The following HIRA variants were observed in gnomAD, a reference collection of about 807,000 sequenced individuals.
HIRA encodes protein HIRA.
HIRA carries 13 observed loss-of-function variants against 126.6 expected under a neutral mutation model. The ratio of observed to expected loss-of-function variants is 0.10; its 90% CI spans 0.07 to 0.16. HIRA has a LOEUF of 0.16. HIRA is among the 10% of genes least tolerant of loss of function. The pLI, the probability that HIRA is intolerant of heterozygous loss-of-function variation, is 1.00. For synonymous variants in HIRA, 511 were observed against 520.0 expected (o/e 0.98, Z 0.24); for missense variants, 834 against 1,314.4 (o/e 0.63, Z 5.65).
rs956650853 is a variant in HIRA at position 19,351,645 on chromosome 22, A to T, written c.2849-199T>A. The stretch of plus-strand genomic sequence containing the variant: ...GGGGCACTGAGACCCATAATCACAG[A>T]TTTTCACTCACTTGCTCACTCCCCT... On this transcript the variant is annotated intron_variant, in intron 23 of 24. Transcript: ENST00000263208. The surrounding 1 kb of genome is among the most constrained non-coding windows in gnomAD (Gnocchi z 4.8). Among the ~76,000 whole-genome samples the T allele has an allele frequency of 3.9e-5, 6 of 151,976 alleles. No homozygotes were observed. The highest frequency in any genetic ancestry group is 1.5e-4 in the African/African-American group (6 of 41,368).
chr22:19,346,360 TAA>T (rs2088686786), intron 24 of HIRA, among the ~76,000 whole-genome samples: 2 of 152,110 alleles, frequency 1.3e-5, no homozygotes, highest in Admixed American at 1.3e-4. Flanking sequence ...ATAAATAAAA[TAA>T]AAGAGTGTTG....
Position 19,331,413 on chromosome 22 carries a change from G to T in HIRA, c.*27C>A. The T allele has an allele frequency of 6.2e-7, 1 of 1,613,408 alleles. No individual in the cohort carries two copies. Among genetic ancestry groups the T allele is most frequent in the East Asian group, 2.2e-5 (1 of 44,850 alleles). On this transcript the variant is annotated 3_prime_UTR_variant, in exon 25 of 25. Coordinates refer to ENST00000263208, the MANE Select transcript of HIRA (RefSeq NM_003325.4). ...GCGGCGAGAGTGTGGCCCTGCCCTT[G>T]CTGCAGCCAGGGCAGGCTGGGGCAG...
intron 1 of HIRA, among the ~76,000 whole-genome samples, chr22:19,415,509 C>T (rs911488613): frequency 2.0e-5 from 3 of 152,176 alleles, no homozygotes; most frequent in Admixed American, 6.5e-5. Flanking sequence ...AGATGTTAGG[C>T]TGGGCACAGT....
At chr22:19,344,010 C>A (rs562752867) in intron 24 of HIRA, among the ~76,000 whole-genome samples, 4 of 151,946 alleles carry the variant, frequency 2.6e-5, no homozygotes, top group Non-Finnish European at 5.9e-5. Flanking sequence ...CCACGCCTGG[C>A]TGAAAAAACA....
At chr22:19,337,649 G>A (rs1191892930) in intron 24 of HIRA, among the ~76,000 whole-genome samples, 1 of 152,154 alleles carries the variant, frequency 6.6e-6, no homozygotes, top group East Asian at 1.9e-4. Context: ...CCAAATACAA[G>A]AAGCTCAAAG....
At chr22:19,343,682 T>C (rs1447481423) in intron 24 of HIRA, among the ~76,000 whole-genome samples, 2 of 151,866 alleles carry the variant, frequency 1.3e-5, no homozygotes, top group African/African-American at 4.8e-5. Context: ...TCCCAACACT[T>C]TGGGAGCCTG....
At chr22:19,379,397 C>G (rs563918236) in intron 13 of HIRA, among the ~76,000 whole-genome samples, 2 of 150,548 alleles carry the variant, frequency 1.3e-5, no homozygotes, top group Non-Finnish European at 3.0e-5. Flanking sequence ...CAGGCCGAGG[C>G]GGGTGGATCA....
At chr22:19,376,683 C>G (rs1291502516) in intron 14 of HIRA, among the ~76,000 whole-genome samples, 2 of 152,228 alleles carry the variant, frequency 1.3e-5, no homozygotes, top group Non-Finnish European at 2.9e-5. Flanking sequence ...CAGGGTCCCC[C>G]CAGGGCAGTG....
rs544834838 is a variant in HIRA, at chr22:19,366,317, G to A, written c.1776-4386C>T. Reference sequence around the variant, plus strand: ...GTGGAGCTTGCAGTGAGCCGAGACCGCACCACTGCACTCCAGCCTGGGCGA... The same window carrying A: ...GTGGAGCTTGCAGTGAGCCGAGACCACACCACTGCACTCCAGCCTGGGCGA... On this transcript the variant is annotated intron_variant, in intron 15 of 24. Coordinates refer to ENST00000263208, the MANE Select transcript of HIRA (RefSeq NM_003325.4). Among the ~76,000 whole-genome samples, 535 of 150,310 alleles carry A rather than the reference G, an allele frequency of 3.6e-3. 3 individuals carry two copies. Among genetic ancestry groups the A allele is most frequent in the African/African-American group, 0.012 (498 of 40,766 alleles).
rs782094830 is a variant in HIRA, at chr22:19,353,328, G to C, written c.2848+28C>G. ...GGAGGATGGAGGGGCAGAAGGAGAA[G>C]GCTGCTCAGGGCTGCCAGGAGCCTC... On this transcript the variant is annotated intron_variant, in intron 23 of 24. Transcript: ENST00000263208. The C allele has an allele frequency of 3.7e-6, 6 of 1,611,854 alleles. No homozygotes were observed. The East Asian group carries it at 8.9e-5, about 24-fold the overall frequency.
At chr22:19,406,878 T>TA (rs1349716776) in intron 4 of HIRA, among the ~76,000 whole-genome samples, 1 of 152,206 alleles carries the variant, frequency 6.6e-6, no homozygotes, top group Non-Finnish European at 1.5e-5. Flanking sequence ...CCATTTTGTA[T>TA]ATTGGGCTTC....
Position 19,331,447 on chromosome 22 carries a change from T to C in HIRA, c.3047A>G (p.Asp1016Gly). 1 of 1,614,014 alleles carries C rather than the reference T, an allele frequency of 6.2e-7. No homozygotes were observed. Among genetic ancestry groups the C allele is most frequent in the Non-Finnish European group, 8.5e-7 (1 of 1,179,986 alleles). The stretch of plus-strand genomic sequence containing the variant: ...AGGGCAGGCTGGGGCAGGCTACTTG[T>C]CCCTCAGGATGTCGAGCTGTTCCTG... ...ECQEQLDILR[D>G]K Residue 1016 changes from aspartate to glycine, a missense_variant, in exon 25 of 25, where the codon GAC (aspartate) becomes GGC (glycine). Coordinates refer to ENST00000263208, the MANE Select transcript of HIRA (RefSeq NM_003325.4).
At chr22:19,379,373 TC>T (rs1348695772) in intron 13 of HIRA, among the ~76,000 whole-genome samples, 1 of 149,180 alleles carries the variant, frequency 6.7e-6, no homozygotes, top group Non-Finnish European at 1.5e-5. Context: ...ATGCCTGTAA[TC>T]CCAGCACTTT....
intron 1 of HIRA, among the ~76,000 whole-genome samples, chr22:19,411,384 C>T (rs2089350816): frequency 6.6e-6 from 1 of 152,236 alleles, no homozygotes; most frequent in South Asian, 2.1e-4. Context: ...CCCCAAAGAG[C>T]CCAGTATGGG....
chr22:19,361,503 ACAAGCCAGTTGAT>A (rs2088863735), intron 16 of HIRA, among the ~76,000 whole-genome samples, 162 bp from the exon 17 acceptor site: 1 of 152,204 alleles, frequency 6.6e-6, no homozygotes, highest in Admixed American at 6.5e-5. Context: ...AACCTCATGG[ACAAGCCAGTTGAT>A]GCCAGGGAAC....
chr22:19,393,030 T>G (rs2089194933), intron 8 of HIRA, among the ~76,000 whole-genome samples: 1 of 151,944 alleles, frequency 6.6e-6, no homozygotes. Context: ...ATGGCCGGGG[T>G]GCACAGAGAC....
chr22:19,344,170 T>G (rs375859060), intron 24 of HIRA, among the ~76,000 whole-genome samples: 3 of 151,608 alleles, frequency 2.0e-5, no homozygotes, highest in East Asian at 3.9e-4. Flanking sequence ...CAGAAGAAAA[T>G]AATAAAGATA....
chr22:19,420,198 C>T (rs2089433065), intron 1 of HIRA, among the ~76,000 whole-genome samples: 2 of 152,260 alleles, frequency 1.3e-5, no homozygotes, highest in South Asian at 4.1e-4. Context: ...TGGCTCACTC[C>T]TGTAATCCCA....
intron 3 of HIRA, 95 bp downstream of exon 3, chr22:19,408,388 C>T: frequency 1.3e-6 from 1 of 773,264 alleles, no homozygotes; most frequent in Non-Finnish European, 2.3e-6. Flanking sequence ...GGAGTTACCG[C>T]CGCACGGGGC....
Sources: allele counts gnomAD v4.1 joint callset (sites outside exome capture counted in the v4.1 genomes callset), GRCh38; gene constraint gnomAD v4.1.1; non-coding constraint Gnocchi (gnomAD v3.1); transcripts MANE v1.5; gene names NCBI Gene and HGNC (gene_info 2026-07-23, HGNC 2026-07-21).